The following SCAPER variants were observed in gnomAD, a reference collection of about 807,000 sequenced individuals.
The protein encoded by SCAPER is S-phase cyclin A associated protein in the ER.
In SCAPER, 98 loss-of-function variants were observed where a neutral mutation model predicts 182.2. That is an observed-to-expected ratio of 0.54 (90% CI 0.46 to 0.64). The LOEUF (loss-of-function observed/expected upper bound fraction) is 0.64, where lower values mean the gene tolerates loss of function less well. Among genes scored for constraint, SCAPER ranks in the 30% least tolerant of loss-of-function variants. The pLI, the probability that SCAPER is intolerant of heterozygous loss-of-function variation, is 0.00. For synonymous variants in SCAPER, 605 were observed against 564.6 expected, an observed-to-expected ratio of 1.07 and a Z score of -1.01; for missense variants, 1,432 against 1,690.0, an observed-to-expected ratio of 0.85 and a Z score of 2.68.
At chr15:76,893,271 C>A (rs1338004310) in intron 1 of SCAPER, among the ~76,000 whole-genome samples, 2 of 152,068 alleles carry the variant, frequency 1.3e-5, no homozygotes, top group African/African-American at 4.8e-5. Flanking sequence ...CACATGTATA[C>A]CTGTGTAACA....
At chr15:76,408,581 G>T (rs1221219800) in intron 26 of SCAPER, among the ~76,000 whole-genome samples, 3 of 151,902 alleles carry the variant, frequency 2.0e-5, no homozygotes, top group Admixed American at 6.6e-5. Context: ...TTATATTCAA[G>T]AAACATTAAA....
At chr15:76,731,373 T>C (rs1203068825) in intron 16 of SCAPER, among the ~76,000 whole-genome samples, 4 of 151,998 alleles carry the variant, frequency 2.6e-5, no homozygotes, top group Admixed American at 2.0e-4. Context: ...AAAGAAAAAA[T>C]TGAGCTTATA....
intron 26 of SCAPER, among the ~76,000 whole-genome samples, chr15:76,421,663 T>G (rs2046053425): frequency 6.6e-6 from 1 of 152,242 alleles, no homozygotes; most frequent in East Asian, 1.9e-4. Context: ...TTGTTGCCAT[T>G]GCTTTTGGTG....
At chr15:76,617,761 C>T (rs903741562) in intron 22 of SCAPER, among the ~76,000 whole-genome samples, 1 of 152,084 alleles carries the variant, frequency 6.6e-6, no homozygotes, top group African/African-American at 2.4e-5. Context: ...TTTCAATGGG[C>T]CAAAACAAGT....
intron 23 of SCAPER, among the ~76,000 whole-genome samples, chr15:76,555,332 G>A (rs956825021): frequency 6.6e-6 from 1 of 152,126 alleles, no homozygotes; most frequent in Admixed American, 6.6e-5. Context: ...AATTGAGTAT[G>A]CATAATAACT....
chr15:76,800,682 A>G (rs2065717447), intron 6 of SCAPER, among the ~76,000 whole-genome samples: 1 of 152,222 alleles, frequency 6.6e-6, no homozygotes, highest in Non-Finnish European at 1.5e-5. Flanking sequence ...AAGCTTCCAA[A>G]TGCCCAGCTA....
chr15:76,523,214 C>G (rs541995900), intron 23 of SCAPER, among the ~76,000 whole-genome samples: 2 of 151,944 alleles, frequency 1.3e-5, no homozygotes, highest in Non-Finnish European at 2.9e-5. Context: ...GGGGTTCACA[C>G]TCAGTTAAAC....
intron 25 of SCAPER, among the ~76,000 whole-genome samples, chr15:76,465,451 TACAA>T (rs2049530616): frequency 6.6e-6 from 1 of 152,182 alleles, no homozygotes; most frequent in Non-Finnish European, 1.5e-5. Context: ...ATTCTGGGGA[TACAA>T]ACATTCAGCC....
chr15:76,551,339 A>T (rs1458406137), intron 23 of SCAPER, among the ~76,000 whole-genome samples: 1 of 152,156 alleles, frequency 6.6e-6, no homozygotes, highest in Non-Finnish European at 1.5e-5. Context: ...ATGGATAAAA[A>T]ACTGAGATGT....
intron 25 of SCAPER, among the ~76,000 whole-genome samples, chr15:76,450,798 T>C (rs2142830676): frequency 6.6e-6 from 1 of 152,312 alleles, no homozygotes; most frequent in East Asian, 1.9e-4. Context: ...CAGCGATCCA[T>C]GCACCTTGGC....
chr15:76,862,556 T>G (rs1361940920), intron 2 of SCAPER, 23 bp from the exon 3 acceptor site: 1 of 1,302,040 alleles, frequency 7.7e-7, no homozygotes, highest in Non-Finnish European at 1.1e-6. Flanking sequence ...AAGATGGTAC[T>G]TATTAGATTA....
chr15:76,780,017 A>T (rs2064007705), intron 8 of SCAPER, among the ~76,000 whole-genome samples: 1 of 152,182 alleles, frequency 6.6e-6, no homozygotes, highest in South Asian at 2.1e-4. Context: ...GGTTCATCTC[A>T]TTGTGACTGG....
Position 76,702,891 on chromosome 15 carries a change from G to C in SCAPER, c.2359C>G (p.Pro787Ala). The change falls in exon 19 of 32, where the codon CCT becomes GCT. Residue 787 changes from proline to alanine, a missense_variant. This residue lies in a region of SCAPER where 718 missense variants were observed against 799.7 expected (regional missense o/e 0.90). Coordinates refer to ENST00000563290, the MANE Select transcript of SCAPER (RefSeq NM_020843.4). Reference protein sequence around the residue: ...ANTDYAPKLTPYERKKQCSLC... With the variant: ...ANTDYAPKLTAYERKKQCSLC... Reference sequence around the variant, plus strand: ...GAACACTGCTTCTTTCTTTCATAAGGGGTCAGTTTGGGGGCATAATCAGTA... The same window carrying C: ...GAACACTGCTTCTTTCTTTCATAAGCGGTCAGTTTGGGGGCATAATCAGTA... 1.2e-6 allele frequency: 2 copies of C among 1,608,506 alleles called. No individual in the cohort carries two copies. The highest frequency in any genetic ancestry group is 1.7e-6 in the Non-Finnish European group (2 of 1,178,504).
chr15:76,637,765 T>A (rs1032361136), intron 21 of SCAPER, among the ~76,000 whole-genome samples: 5 of 140,012 alleles, frequency 3.6e-5, no homozygotes, highest in African/African-American at 1.4e-4. Context: ...TGTGTGTGTG[T>A]GTGTGTGTGT....
intron 27 of SCAPER, among the ~76,000 whole-genome samples, chr15:76,384,328 C>G (rs897781624): frequency 2.6e-5 from 4 of 152,302 alleles, no homozygotes; most frequent in African/African-American, 9.6e-5. Flanking sequence ...TCAGCATATT[C>G]TAATACAGAT....
In SCAPER at chr15:76,445,901, G is replaced by A. The variant is rs971789530; in HGVS notation, c.3079-11591C>T. Among the ~76,000 whole-genome samples, 5 of 152,162 alleles carry A rather than the reference G, an allele frequency of 3.3e-5. 1 individual carries two copies. The highest frequency in any genetic ancestry group is 3.3e-4 in the Admixed American group (5 of 15,278). On this transcript the variant is annotated intron_variant, in intron 25 of 31. Coordinates refer to ENST00000563290, the MANE Select transcript of SCAPER (RefSeq NM_020843.4). ...CTAACACCACCAAGGGATGGCGAGA[G>A]GGGCGTTGCATGAGTGCTTAACCCT...
At chr15:76,474,131 T>C (rs898629103) in intron 24 of SCAPER, among the ~76,000 whole-genome samples, 2 of 152,164 alleles carry the variant, frequency 1.3e-5, no homozygotes, top group South Asian at 2.1e-4. Context: ...TTTAAAAATA[T>C]ATGCTTGCCT....
At chr15:76,414,313 T>C (rs577531215) in intron 26 of SCAPER, among the ~76,000 whole-genome samples, 1 of 152,148 alleles carries the variant, frequency 6.6e-6, no homozygotes, top group African/African-American at 2.4e-5. Flanking sequence ...TTTAAGAAAG[T>C]AGATTTCTGT....
chr15:76,466,419 C>CTTTTTTTGTTTTTTTTTTTTT (rs2049631971), intron 25 of SCAPER, among the ~76,000 whole-genome samples: 1 of 37,394 alleles, frequency 2.7e-5, no homozygotes, highest in Non-Finnish European at 5.4e-5. Context: ...GTTGGTTCTT[C>CTTTTTTTGTTTTTTTTTTTTT]TTTTTTTTTT....
Sources: gnomAD v4.1 joint callset for allele counts (sites outside exome capture counted in the v4.1 genomes callset) on GRCh38, gnomAD v4.1.1 for gene constraint, gnomAD v4.1.1 regional missense constraint, MANE v1.5 for transcripts, NCBI Gene and HGNC (gene_info 2026-07-23, HGNC 2026-07-21) for gene names.